CAPG: variants seen among roughly 807,000 people sequenced by gnomAD.
CAPG encodes capping actin protein, gelsolin like, also known as macrophage-capping protein.
A neutral mutation model predicts 44.6 loss-of-function variants in CAPG; 32 were observed. The ratio of observed to expected loss-of-function variants is 0.72; its 90% CI spans 0.54 to 0.96. CAPG has a LOEUF of 0.96. Ranked by LOEUF, CAPG falls within the 50% of genes least tolerant of loss-of-function variation. The probability of loss-of-function intolerance (pLI) is 0.00; values close to 1 mark genes in which losing one functional copy is unlikely to be tolerated. For missense variants in CAPG, 412 were observed against 438.3 expected (o/e 0.94, Z 0.54); for synonymous variants, 175 against 179.6 (o/e 0.97, Z 0.20).
chr2:85,405,437 G>A (rs981965817), intron 1 of CAPG, among the ~76,000 whole-genome samples: 11 of 152,060 alleles, frequency 7.2e-5, no homozygotes, highest in African/African-American at 2.7e-4. Context: ...AGTGGCACAG[G>A]GTAAGGGCTT....
In CAPG at chr2:85,395,082, G is replaced by T. The variant is rs1319375930; in HGVS notation, c.982-124C>A. ...GGCGCCTGGCCTGAATCCATGTGCA[G>T]TCCAGGCTGGGAAAGCTCCCCTGGA... On this transcript the variant is annotated intron_variant, in intron 9 of 9. Coordinates refer to ENST00000263867, the MANE Select transcript of CAPG (RefSeq NM_001747.4). This position sits in a 1 kb window ranked among gnomAD's most constrained non-coding sequence, Gnocchi z 4.3. 1.4e-6 allele frequency: 1 copy of T among 701,546 alleles called. No individual in the cohort carries two copies. The highest frequency in any genetic ancestry group is 2.6e-6 in the Non-Finnish European group (1 of 389,666). 43.5% of individuals were successfully genotyped at this position (701,546 alleles called of 1,614,324 possible).
At chr2:85,399,051 C>A in intron 6 of CAPG, 85 bp downstream of exon 6, 1 of 1,472,586 alleles carries the variant, frequency 6.8e-7, no homozygotes. Context: ...CCTCCACCGG[C>A]CACTCTCAGC....
At chr2:85,407,969 C>G (rs1687242045) in intron 1 of CAPG, among the ~76,000 whole-genome samples, 1 of 152,086 alleles carries the variant, frequency 6.6e-6, no homozygotes, top group South Asian at 2.1e-4. Context: ...TCATTCTTTC[C>G]CCTATCCCAG....
upstream of CAPG, among the ~76,000 whole-genome samples, chr2:85,412,943 C>T (rs750811091): frequency 3.3e-5 from 5 of 152,148 alleles, no homozygotes; most frequent in African/African-American, 7.2e-5. Context: ...AATACATGCT[C>T]GATAAACCCA....
intron 8 of CAPG, among the ~76,000 whole-genome samples, chr2:85,396,442 G>A (rs1042789555): frequency 1.3e-5 from 2 of 152,004 alleles, no homozygotes; most frequent in African/African-American, 2.4e-5. Context: ...ATACCGAAAC[G>A]ATGCCGTGAT....
intron 1 of CAPG, among the ~76,000 whole-genome samples, chr2:85,408,379 C>CACAA (rs1414612076): frequency 4.8e-5 from 7 of 146,264 alleles, no homozygotes; most frequent in Middle Eastern, 3.5e-3. Context: ...CACACACACA[C>CACAA]AAGCCCCCTT....
At chr2:85,397,630 G>A (rs1184145828) in intron 8 of CAPG, among the ~76,000 whole-genome samples, 1 of 152,110 alleles carries the variant, frequency 6.6e-6, no homozygotes, top group Non-Finnish European at 1.5e-5. Context: ...TTGAACCCAG[G>A]AGGCAGAGGT....
intron 1 of CAPG, among the ~76,000 whole-genome samples, chr2:85,405,799 T>G (rs1452852918): frequency 6.6e-6 from 1 of 152,182 alleles, no homozygotes; most frequent in African/African-American, 2.4e-5. Context: ...GAGGATCACA[T>G]GCTGTGCCCA....
intron 1 of CAPG, chr2:85,409,833 T>C (rs1281747330): frequency 6.6e-6 from 1 of 152,270 alleles, no homozygotes; most frequent in Non-Finnish European, 1.5e-5. Context: ...AATGTGCCAC[T>C]TGCATTTGAA....
chr2:85,392,360 G>A (rs549034882), downstream of CAPG, among the ~76,000 whole-genome samples: 57 of 151,088 alleles, frequency 3.8e-4, 1 homozygote, highest in South Asian at 4.8e-3. Flanking sequence ...ATTGCACTCC[G>A]GCCTGGGCAG....
At chr2:85,413,090 C>T (rs2104860039), upstream of CAPG, 1 of 152,380 alleles carries the variant, frequency 6.6e-6, no homozygotes, top group East Asian at 1.9e-4. Context: ...CTATTTCCAT[C>T]CCCAGCCCCA....
chr2:85,401,114 T>A (rs1022969650), intron 5 of CAPG, 51 bp downstream of exon 5: 1 of 1,567,370 alleles, frequency 6.4e-7, no homozygotes, highest in South Asian at 1.1e-5. Context: ...CCCTCCGTCC[T>A]TATAAAGGAT....
chr2:85,414,272 G>A (rs1687501358), upstream of CAPG, among the ~76,000 whole-genome samples: 1 of 152,188 alleles, frequency 6.6e-6, no homozygotes, highest in Non-Finnish European at 1.5e-5. Flanking sequence ...CAATCACCCT[G>A]TGAACAGCTA....
At chr2:85,397,308 A>G (rs1281307556) in intron 8 of CAPG, among the ~76,000 whole-genome samples, 1 of 152,154 alleles carries the variant, frequency 6.6e-6, no homozygotes, top group Non-Finnish European at 1.5e-5. Context: ...AGACCTAGTG[A>G]ATCAGAATCT....
chr2:85,398,823 C>G lies in CAPG; in HGVS notation c.667-41G>C, dbSNP rs561605889. 29 of 1,452,614 alleles carry G rather than the reference C, an allele frequency of 2.0e-5. 1 individual carries two copies. In the Admixed American group the frequency reaches 6.1e-4, roughly 31 times the overall value. The allele number at this position is 1,452,614 out of a possible 1,614,324, so 90.0% of individuals were successfully genotyped here. A position where few individuals can be genotyped will look rare whatever the true frequency, so the allele number is the denominator to read the frequency against. ...CAGGCCAGGTTTATAGGGACCCCTGCCCTGGAACTTCCCAGCCCATCATGC... is the reference window on the plus strand; with the variant it reads ...CAGGCCAGGTTTATAGGGACCCCTGGCCTGGAACTTCCCAGCCCATCATGC... On this transcript the variant is annotated intron_variant, in intron 6 of 9. Coordinates refer to ENST00000263867, the MANE Select transcript of CAPG (RefSeq NM_001747.4).
intron 1 of CAPG, among the ~76,000 whole-genome samples, chr2:85,408,040 C>T (rs1455407248): frequency 6.6e-6 from 1 of 152,076 alleles, no homozygotes; most frequent in Non-Finnish European, 1.5e-5. Context: ...CCCTTACATC[C>T]ATTAAAGCCC....
upstream of CAPG, among the ~76,000 whole-genome samples, chr2:85,413,473 G>C (rs747796800): frequency 5.9e-5 from 9 of 152,084 alleles, no homozygotes; most frequent in Non-Finnish European, 8.8e-5. Flanking sequence ...TCAGCTACTC[G>C]GGAGGCTAAG....
Position 85,395,608 on chromosome 2 carries a change from T to G in CAPG, c.911A>C (p.Lys304Thr). 3 of 1,613,864 alleles carry G rather than the reference T, an allele frequency of 1.9e-6. No individual in the cohort carries two copies. The highest frequency in any genetic ancestry group is 1.7e-6 in the Non-Finnish European group (2 of 1,179,866). ...YIWKGRKANE[K>T]ERQAALQVAE... ...CACCTGCAGGGCTGCCTGCCGCTCCTTCTCATTCGCTTTTCGCCCTAGATC... is the reference window on the plus strand; with the variant it reads ...CACCTGCAGGGCTGCCTGCCGCTCCGTCTCATTCGCTTTTCGCCCTAGATC... The change falls in exon 9 of 10, where the codon AAG (lysine) becomes ACG (threonine). Residue 304 changes from lysine (K) to threonine (T), a missense_variant. Lys to Thr is a moderately conservative substitution (Grantham distance 78). Coordinates refer to ENST00000263867, the MANE Select transcript of CAPG (RefSeq NM_001747.4). This position sits in a 1 kb window ranked among gnomAD's most constrained non-coding sequence, Gnocchi z 4.3.
chr2:85,410,766 G>A (rs1337523739), upstream of CAPG, among the ~76,000 whole-genome samples: 1 of 152,200 alleles, frequency 6.6e-6, no homozygotes, highest in Non-Finnish European at 1.5e-5. Flanking sequence ...CAGGGTCACT[G>A]GCTTCACATT....
Sources: allele counts gnomAD v4.1 joint callset (sites outside exome capture counted in the v4.1 genomes callset), GRCh38; gene constraint gnomAD v4.1.1; non-coding constraint Gnocchi (gnomAD v3.1); transcripts MANE v1.5; gene names NCBI Gene and HGNC (gene_info 2026-07-23, HGNC 2026-07-21).